Variants in CRY1 observed in about 807,000 individuals in gnomAD.
The protein encoded by CRY1 is cryptochrome-1.
A neutral mutation model predicts 76.0 loss-of-function variants in CRY1; 45 were observed. The ratio of observed to expected loss-of-function variants is 0.59; its 90% CI spans 0.47 to 0.76. CRY1 has a LOEUF of 0.76. Ranked by LOEUF, CRY1 falls within the 30% of genes least tolerant of loss-of-function variation. CRY1 has a pLI of 0.00. For missense variants in CRY1, 587 were observed against 716.4 expected, an observed-to-expected ratio of 0.82 and a Z score of 2.06; for synonymous variants, 248 against 244.0, an observed-to-expected ratio of 1.02 and a Z score of -0.15.
rs1259748216 is a variant in CRY1 at position 107,085,500 on chromosome 12, C to A, written c.158+7304G>T. On this transcript the variant is annotated intron_variant, in intron 1 of 12. Transcript: ENST00000008527. Reference sequence around the variant, plus strand: ...AAGCAGCCATAAAAAAGAATGAGTTCATGTCCTTTGCAGGGACATGGATGA... The same window carrying A: ...AAGCAGCCATAAAAAAGAATGAGTTAATGTCCTTTGCAGGGACATGGATGA... Among the ~76,000 whole-genome samples the A allele has an allele frequency of 2.6e-5, 4 of 152,164 alleles. 1 individual carries two copies. The East Asian group carries it at 7.7e-4, about 29-fold the overall frequency.
intron 1 of CRY1, among the ~76,000 whole-genome samples, chr12:107,064,940 T>C (rs1953093298): frequency 6.6e-6 from 1 of 152,190 alleles, no homozygotes; most frequent in Non-Finnish European, 1.5e-5. Flanking sequence ...TGGACAATGA[T>C]ATCAAGCCAA....
At chr12:107,069,616 AGT>A (rs1953158810) in intron 1 of CRY1, among the ~76,000 whole-genome samples, 3 of 120,298 alleles carry the variant, frequency 2.5e-5, no homozygotes, top group East Asian at 4.6e-4. Context: ...ATATATAAAA[AGT>A]ATATATATAT....
intron 1 of CRY1, among the ~76,000 whole-genome samples, chr12:107,046,407 G>A (rs1952849867): frequency 6.6e-6 from 1 of 151,656 alleles, no homozygotes; most frequent in Non-Finnish European, 1.5e-5. Context: ...ACACAAATTA[G>A]AAAAAGAATA....
chr12:107,025,975 A>G (rs1952603882), intron 1 of CRY1, among the ~76,000 whole-genome samples: 1 of 150,388 alleles, frequency 6.6e-6, no homozygotes, highest in Non-Finnish European at 1.5e-5. Flanking sequence ...CTTTAAGTTC[A>G]TATCACACTA....
intron 1 of CRY1, among the ~76,000 whole-genome samples, chr12:107,076,722 T>G (rs1297297671): frequency 6.6e-6 from 1 of 152,098 alleles, no homozygotes; most frequent in East Asian, 1.9e-4. Context: ...AATGTCATAT[T>G]GAAATGTAAT....
In CRY1 at chr12:106,999,609, G is replaced by A. The variant is rs1952278161; in HGVS notation, c.1079C>T (p.Ala360Val). 6.2e-7 allele frequency: 1 copy of A among 1,614,210 alleles called. No homozygotes were observed. The highest frequency in any genetic ancestry group is 2.2e-5 in the East Asian group (1 of 44,886). ...CCCTCGTGTCAGGAAGCAAGCAACT[G>A]CATGCCTGGCTAGATGATGAATCCA... Reference protein sequence around the residue: ...EGWIHHLARHAVACFLTRGDL... With the variant: ...EGWIHHLARHVVACFLTRGDL... Residue 360 changes from alanine to valine, a missense_variant, in exon 7 of 13, where the codon GCA becomes GTA. Coordinates refer to ENST00000008527, the MANE Select transcript of CRY1 (RefSeq NM_004075.5).
At chr12:107,034,553 G>T (rs1360207184) in intron 1 of CRY1, among the ~76,000 whole-genome samples, 1 of 152,114 alleles carries the variant, frequency 6.6e-6, no homozygotes, top group Non-Finnish European at 1.5e-5. Context: ...CTTAAGGGCT[G>T]AATCAGAAGC....
chr12:107,058,592 G>A (rs1302605167), intron 1 of CRY1, among the ~76,000 whole-genome samples: 2 of 152,156 alleles, frequency 1.3e-5, no homozygotes. Flanking sequence ...AACAGAGCTT[G>A]TTCTAAAATA....
At chr12:107,066,207 G>A (rs969601358) in intron 1 of CRY1, among the ~76,000 whole-genome samples, 1 of 152,162 alleles carries the variant, frequency 6.6e-6, no homozygotes, top group Non-Finnish European at 1.5e-5. Context: ...CAACTTTACA[G>A]TTCAGTAAAA....
chr12:107,044,819 C>T (rs1952832703), intron 1 of CRY1, among the ~76,000 whole-genome samples: 1 of 152,018 alleles, frequency 6.6e-6, no homozygotes, highest in Admixed American at 6.6e-5. Flanking sequence ...TGAAATTTGT[C>T]ATTGGAGAAA....
intron 1 of CRY1, among the ~76,000 whole-genome samples, chr12:107,088,329 C>G (rs1953428276): frequency 6.6e-6 from 1 of 152,172 alleles, no homozygotes; most frequent in Admixed American, 6.5e-5. Context: ...GCTCCACTTC[C>G]CCTTCCATCA....
intron 7 of CRY1, 55 bp from the exon 8 acceptor site, chr12:106,998,121 C>A: frequency 1.3e-6 from 2 of 1,596,424 alleles, no homozygotes; most frequent in Non-Finnish European, 1.7e-6. Context: ...GCAAAGCAAG[C>A]ATTTTCAAGG....
chr12:107,091,341 T>G (rs1003004221), intron 1 of CRY1, among the ~76,000 whole-genome samples: 13 of 152,150 alleles, frequency 8.5e-5, no homozygotes, highest in African/African-American at 2.9e-4. Context: ...CTCCTTTTCT[T>G]TCTCTCTCAC....
intron 1 of CRY1, among the ~76,000 whole-genome samples, chr12:107,069,047 G>C (rs1953147305): frequency 6.6e-6 from 1 of 152,070 alleles, no homozygotes; most frequent in South Asian, 2.1e-4. Flanking sequence ...GTTTTTGTTA[G>C]AATGCCTGCT....
chr12:107,093,430 G>C lies in CRY1; in HGVS notation c.-469C>G, dbSNP rs1343131344. On this transcript the variant is annotated 5_prime_UTR_variant, in exon 1 of 13. Transcript: ENST00000008527. The stretch of plus-strand genomic sequence containing the variant: ...GAGAACCGGAGGGGAATGAGCCCCT[G>C]TCGGCGACGCTGTCTCTCGGCCCGG... 6.5e-6 allele frequency: 1 copy of C among 154,384 alleles called. No individual in the cohort carries two copies. Among genetic ancestry groups the C allele is most frequent in the Non-Finnish European group, 1.4e-5 (1 of 69,408 alleles). 9.6% of individuals were successfully genotyped at this position (154,384 alleles called of 1,614,324 possible). A position where few individuals can be genotyped will look rare whatever the true frequency, so the allele number is the denominator to read the frequency against.
At chr12:107,082,313 T>G (rs946346388) in intron 1 of CRY1, among the ~76,000 whole-genome samples, 1 of 151,974 alleles carries the variant, frequency 6.6e-6, no homozygotes, top group Non-Finnish European at 1.5e-5. Context: ...AGAAGGATAT[T>G]CAGGACTTGA....
intron 1 of CRY1, among the ~76,000 whole-genome samples, chr12:107,074,324 G>A (rs1953224397): frequency 6.6e-6 from 1 of 152,124 alleles, no homozygotes; most frequent in African/African-American, 2.4e-5. Flanking sequence ...TTAATATTAA[G>A]TCATTCTATT....
In CRY1 at chr12:107,088,197, T is replaced by G. The variant is rs535551487; in HGVS notation, c.158+4607A>C. On this transcript the variant is annotated intron_variant, in intron 1 of 12. Transcript: ENST00000008527. ...TGTTTGGAACATGAGATAAGATCCCTCATGAATGGCTTGGTGCTATCACGT... is the reference window on the plus strand; with the variant it reads ...TGTTTGGAACATGAGATAAGATCCCGCATGAATGGCTTGGTGCTATCACGT... 5.9e-5 allele frequency among the ~76,000 whole-genome samples: 9 copies of G among 152,316 alleles called. No individual in the cohort carries two copies. The South Asian group carries it at 1.9e-3, about 32-fold the overall frequency.
chr12:107,080,554 A>C (rs1168744908), intron 1 of CRY1, among the ~76,000 whole-genome samples: 1 of 152,110 alleles, frequency 6.6e-6, no homozygotes, highest in Non-Finnish European at 1.5e-5. Context: ...AAGCTAAGGA[A>C]GAACACTAAT....
Sources: allele counts gnomAD v4.1 joint callset (sites outside exome capture counted in the v4.1 genomes callset), GRCh38; gene constraint gnomAD v4.1.1; transcripts MANE v1.5; gene names NCBI Gene and HGNC (gene_info 2026-07-23, HGNC 2026-07-21).